BCKDHB: variants seen among roughly 807,000 people sequenced by gnomAD.
The protein encoded by BCKDHB is 2-oxoisovalerate dehydrogenase subunit beta, mitochondrial.
Under a neutral mutation model 48.5 loss-of-function variants are expected in BCKDHB, and 41 were observed. The observed-to-expected ratio is 0.85, with a 90% CI of 0.66 to 1.10. The LOEUF is 1.10. BCKDHB is among the 50% of genes least tolerant of loss of function. The pLI, the probability that BCKDHB is intolerant of heterozygous loss-of-function variation, is 0.00. For missense variants in BCKDHB, 496 were observed against 494.2 expected, an observed-to-expected ratio of 1.00 and a Z score of -0.03; for synonymous variants, 201 against 174.8, an observed-to-expected ratio of 1.15 and a Z score of -1.18.
rs188165058 is a variant in BCKDHB, at chr6:80,309,760, G to A, written c.1039-33904G>A. Among the ~76,000 whole-genome samples the A allele has an allele frequency of 1.0e-3, 158 of 152,160 alleles. 1 individual carries two copies. Among genetic ancestry groups the A allele is most frequent in the African/African-American group, 3.6e-3 (148 of 41,528 alleles). The stretch of plus-strand genomic sequence containing the variant: ...GGTACATGTGTAGGTTTGTTATATA[G>A]GTTGTGTGTCACGGGGATTTGGTGT... On this transcript the variant is annotated intron_variant, in intron 9 of 9. Transcript: ENST00000320393.
rs193141612 is a variant in BCKDHB, at chr6:80,331,676, G to T, written c.1039-11988G>T. Among the ~76,000 whole-genome samples the T allele has an allele frequency of 5.0e-3, 755 of 152,298 alleles. 3 individuals carry two copies. The highest frequency in any genetic ancestry group is 0.017 in the African/African-American group (700 of 41,564). ...TTCTGAATTCTACATCACTCACAGC[G>T]CAGGTTGATGTGTGAACACTGTATT... On this transcript the variant is annotated intron_variant, in intron 9 of 9. Coordinates refer to ENST00000320393, the MANE Select transcript of BCKDHB (RefSeq NM_183050.4).
rs143009438 is a variant in BCKDHB at position 80,145,679 on chromosome 6, G to C, written c.343+16450G>C. On this transcript the variant is annotated intron_variant, in intron 3 of 9. Transcript: ENST00000320393. ...ACTGACACATGTGATGTGATTGCTG[G>C]ACCAACTGTTCACAAGTTGTGAAGA... 9.3e-3 allele frequency among the ~76,000 whole-genome samples: 1,423 copies of C among 152,264 alleles called. 30 individuals are homozygous for C. Among genetic ancestry groups the C allele is most frequent in the African/African-American group, 0.033 (1,354 of 41,554 alleles).
the BCKDHB span, among the ~76,000 whole-genome samples, chr6:80,409,843 A>G: frequency 6.6e-6 from 1 of 151,598 alleles, no homozygotes; most frequent in Admixed American, 6.6e-5. Context: ...GGTCTCCTGA[A>G]TACAGCACTC....
chr6:80,310,083 C>CTT (rs57078654), intron 9 of BCKDHB, among the ~76,000 whole-genome samples: 2 of 142,666 alleles, frequency 1.4e-5, no homozygotes, highest in African/African-American at 2.6e-5. Flanking sequence ...ACAACATTTT[C>CTT]TTTTTTTTTT....
the BCKDHB span, among the ~76,000 whole-genome samples, chr6:80,458,835 T>TA: frequency 6.6e-6 from 1 of 152,012 alleles, no homozygotes; most frequent in Non-Finnish European, 1.5e-5. Flanking sequence ...AGAAAAAAAG[T>TA]AAAAAAATCA....
chr6:80,384,296 G>A, the BCKDHB span, among the ~76,000 whole-genome samples: 1 of 151,904 alleles, frequency 6.6e-6, no homozygotes, highest in Non-Finnish European at 1.5e-5. Context: ...TCCCATGCTG[G>A]ACGCTTTCTG....
the BCKDHB span, among the ~76,000 whole-genome samples, chr6:80,447,805 G>T: frequency 6.6e-6 from 1 of 152,042 alleles, no homozygotes; most frequent in Non-Finnish European, 1.5e-5. Context: ...ACTGGACTAG[G>T]CACTCTCTGT....
At chr6:80,213,944 C>T (rs2127846872) in intron 8 of BCKDHB, among the ~76,000 whole-genome samples, 1 of 152,210 alleles carries the variant, frequency 6.6e-6, no homozygotes, top group East Asian at 1.9e-4. Context: ...AGTAATTCAG[C>T]TGTGGCATGA....
At chr6:80,253,829 G>A (rs1776936080) in intron 8 of BCKDHB, among the ~76,000 whole-genome samples, 1 of 151,746 alleles carries the variant, frequency 6.6e-6, no homozygotes, top group Non-Finnish European at 1.5e-5. Context: ...TAATCCTATA[G>A]GAGAGGATAA....
At chr6:80,261,597 G>A (rs992229847) in intron 8 of BCKDHB, among the ~76,000 whole-genome samples, 21 of 151,948 alleles carry the variant, frequency 1.4e-4, no homozygotes, top group African/African-American at 4.3e-4. Flanking sequence ...GAGAATACAC[G>A]AATCCACCAC....
intron 9 of BCKDHB, among the ~76,000 whole-genome samples, chr6:80,280,558 G>A (rs1020214923): frequency 6.6e-6 from 1 of 152,126 alleles, no homozygotes; most frequent in Non-Finnish European, 1.5e-5. Context: ...CTTGATGTGG[G>A]CATTGCAGAT....
chr6:80,314,904 C>T (rs776904323), intron 9 of BCKDHB, among the ~76,000 whole-genome samples: 6 of 152,140 alleles, frequency 3.9e-5, no homozygotes, highest in African/African-American at 7.2e-5. Flanking sequence ...TGCTGTGCGG[C>T]GGGACTCGCT....
the BCKDHB span, among the ~76,000 whole-genome samples, chr6:80,380,564 A>G: frequency 1.3e-5 from 2 of 152,150 alleles, no homozygotes; most frequent in Admixed American, 1.3e-4. Context: ...CACAAGCAAC[A>G]AAAGCAAAAA....
chr6:80,123,177 T>C (rs545755500), intron 1 of BCKDHB, among the ~76,000 whole-genome samples: 28 of 152,184 alleles, frequency 1.8e-4, no homozygotes, highest in Admixed American at 3.3e-4. Context: ...ATTGCTGTTA[T>C]TCTGTTGTTT....
chr6:80,421,804 A>G, the BCKDHB span, among the ~76,000 whole-genome samples: 125,897 of 152,178 alleles, frequency 0.83, 53,874 homozygotes, highest in East Asian at 0.95. Flanking sequence ...GGCTGATTCC[A>G]AAAGTGTTTG....
At chr6:80,417,190 A>G in the BCKDHB span, among the ~76,000 whole-genome samples, 2 of 151,308 alleles carry the variant, frequency 1.3e-5, no homozygotes, top group Admixed American at 6.6e-5. Context: ...TCTGTTTTCC[A>G]TTTGCTGGGT....
At chr6:80,110,024 C>T (rs1291325546) in intron 1 of BCKDHB, among the ~76,000 whole-genome samples, 6 of 152,180 alleles carry the variant, frequency 3.9e-5, no homozygotes, top group Non-Finnish European at 8.8e-5. Flanking sequence ...TTTCACATGT[C>T]CTGCAAATAC....
At chr6:80,321,740 A>G (rs1446386008) in intron 9 of BCKDHB, among the ~76,000 whole-genome samples, 2 of 152,222 alleles carry the variant, frequency 1.3e-5, no homozygotes, top group Admixed American at 1.3e-4. Context: ...CTAATGTCTA[A>G]TATCCTTGGG....
At chr6:80,464,004 C>T in the BCKDHB span, among the ~76,000 whole-genome samples, 1 of 152,098 alleles carries the variant, frequency 6.6e-6, no homozygotes, top group Non-Finnish European at 1.5e-5. Flanking sequence ...AAAGCACAGT[C>T]TCTGGTTTTC....
Sources: allele counts gnomAD v4.1 joint callset (sites outside exome capture counted in the v4.1 genomes callset), GRCh38; gene constraint gnomAD v4.1.1; transcripts MANE v1.5; gene names NCBI Gene and HGNC (gene_info 2026-07-23, HGNC 2026-07-21).